Variants in CTNNA2 observed in about 807,000 individuals in gnomAD.
The protein encoded by CTNNA2 is catenin alpha 2.
In CTNNA2, 42 loss-of-function variants were observed where a neutral mutation model predicts 101.0. The ratio of observed to expected loss-of-function variants is 0.42; its 90% confidence interval spans 0.32 to 0.54. The LOEUF (loss-of-function observed/expected upper bound fraction) is 0.54, where lower values mean the gene tolerates loss of function less well. CTNNA2 is among the 20% of genes least tolerant of loss of function. CTNNA2 has a pLI of 0.14. For missense variants in CTNNA2, 871 were observed against 1,223.1 expected (o/e 0.71, Z 4.29); for synonymous variants, 450 against 456.4 (o/e 0.99, Z 0.18).
chr2:79,338,643 C>CTTCTT (rs1558634030), intron 3 of CTNNA2, among the ~76,000 whole-genome samples: 1 of 145,440 alleles, frequency 6.9e-6, no homozygotes, highest in African/African-American at 2.6e-5. Flanking sequence ...TCTTCTTCTT[C>CTTCTT]AAAGATTCCT....
At chr2:80,245,794 CTTTTTTTTTTTTT>C (rs34625586) in intron 7 of CTNNA2, among the ~76,000 whole-genome samples, 830 of 59,062 alleles carry the variant, frequency 0.014, 22 homozygotes, top group African/African-American at 0.063. Flanking sequence ...TATGATTTAA[CTTTTTTTTTTTTT>C]TTTTTTTTTT....
intron 7 of CTNNA2, among the ~76,000 whole-genome samples, chr2:80,036,523 T>G (rs1695661229): frequency 6.6e-6 from 1 of 152,142 alleles, no homozygotes; most frequent in Admixed American, 6.5e-5. Context: ...GAAGATTGCT[T>G]GAGCCCAGAA....
At chr2:80,225,034 C>G (rs1708796249) in intron 7 of CTNNA2, among the ~76,000 whole-genome samples, 1 of 152,116 alleles carries the variant, frequency 6.6e-6, no homozygotes, top group Admixed American at 6.6e-5. Flanking sequence ...CACATGGACC[C>G]CATTCTAGTG....
chr2:79,849,291 GTT>G lies in CTNNA2; in HGVS notation c.299-8709_299-8708del, dbSNP rs1230223462. Among the ~76,000 whole-genome samples, 761 of 142,958 alleles carry G rather than the reference GTT, an allele frequency of 5.3e-3. 9 individuals carry two copies. The highest frequency in any genetic ancestry group is 0.022 in the Middle Eastern group (6 of 270). 93.8% of individuals were successfully genotyped at this position (142,958 alleles called of 152,430 possible). ...GTTTTGGTATGGCTTGCATGATAGG[GTT>G]TTTTTTTTTTTTAATAAGCAGATAA... On this transcript the variant is annotated intron_variant, in intron 3 of 18. Coordinates refer to ENST00000402739, the MANE Select transcript of CTNNA2 (RefSeq NM_001282597.3).
At chr2:79,954,782 T>C (rs551848954) in intron 7 of CTNNA2, among the ~76,000 whole-genome samples, 1 of 152,190 alleles carries the variant, frequency 6.6e-6, no homozygotes, top group Non-Finnish European at 1.5e-5. Context: ...TCAAGGATCT[T>C]ATTTTGATTA....
intron 7 of CTNNA2, among the ~76,000 whole-genome samples, chr2:80,212,580 G>T (rs1476700715): frequency 6.6e-6 from 1 of 152,158 alleles, no homozygotes; most frequent in African/African-American, 2.4e-5. Flanking sequence ...ACTTGATCGT[G>T]GTGGATAAAC....
chr2:80,545,594 T>C (rs558279084), intron 10 of CTNNA2, among the ~76,000 whole-genome samples: 37 of 152,340 alleles, frequency 2.4e-4, no homozygotes, highest in African/African-American at 8.7e-4. Context: ...TCTCGGCAGC[T>C]AAATCATAAA....
chr2:79,207,792 G>A lies in CTNNA2; in HGVS notation c.-406+9716G>A, dbSNP rs540286446. Among the ~76,000 whole-genome samples, 90 of 152,234 alleles carry A rather than the reference G, an allele frequency of 5.9e-4. 3 individuals are homozygous for A. The South Asian group carries it at 0.012, about 21-fold the overall frequency. The stretch of plus-strand genomic sequence containing the variant: ...CCCACTCTGATGGCTCCCTGATGAT[G>A]GAGGAGTCCACCAGAAGAGGCTGAG... On this transcript the variant is annotated intron_variant, in intron 2 of 21. Coordinates refer to the CTNNA2 transcript ENST00000466387.
intron 16 of CTNNA2, among the ~76,000 whole-genome samples, chr2:80,604,736 G>A (rs954565331): frequency 6.6e-6 from 1 of 151,956 alleles, no homozygotes; most frequent in African/African-American, 2.4e-5. Context: ...AACCTGCCTT[G>A]TGGTCAGGGA....
chr2:80,206,134 T>C (rs1164775686), intron 7 of CTNNA2, among the ~76,000 whole-genome samples: 1 of 152,242 alleles, frequency 6.6e-6, no homozygotes, highest in East Asian at 1.9e-4. Flanking sequence ...TCCTTAATCA[T>C]ATGGAAATCT....
chr2:80,581,642 A>AGT, intron 13 of CTNNA2, 64 bp from the exon 14 acceptor site: 1 of 1,004,094 alleles, frequency 1.0e-6, no homozygotes. Flanking sequence ...TTTGCAATGA[A>AGT]GTGTGTGGAT....
chr2:80,624,455 G>A (rs962740420), intron 18 of CTNNA2, among the ~76,000 whole-genome samples: 1 of 151,890 alleles, frequency 6.6e-6, no homozygotes, highest in African/African-American at 2.4e-5. Flanking sequence ...TGTGTAGAAA[G>A]TTAGAGAAGT....
At chr2:80,402,786 TTAATA>T (rs1479633902) in intron 8 of CTNNA2, among the ~76,000 whole-genome samples, 1 of 147,946 alleles carries the variant, frequency 6.8e-6, no homozygotes, top group East Asian at 1.9e-4. Context: ...TAAATTATGT[TTAATA>T]TAAATTATAT....
chr2:79,199,105 A>G (rs992653962), intron 2 of CTNNA2, among the ~76,000 whole-genome samples: 4 of 152,250 alleles, frequency 2.6e-5, no homozygotes, highest in Non-Finnish European at 5.9e-5. Flanking sequence ...CAATTTACAA[A>G]GTTGTAAAAT....
At chr2:80,135,277 C>T (rs1702630619) in intron 7 of CTNNA2, among the ~76,000 whole-genome samples, 1 of 152,132 alleles carries the variant, frequency 6.6e-6, no homozygotes, top group African/African-American at 2.4e-5. Flanking sequence ...GGCAGGAAGG[C>T]CTGACAAATG....
chr2:79,966,412 T>C (rs1005362795), intron 7 of CTNNA2, among the ~76,000 whole-genome samples: 2 of 152,146 alleles, frequency 1.3e-5, no homozygotes, highest in Non-Finnish European at 2.9e-5. Flanking sequence ...TTATTTTTAT[T>C]TTTTGTAGAG....
At chr2:80,251,143 T>G (rs143355618) in intron 7 of CTNNA2, among the ~76,000 whole-genome samples, 259 of 152,294 alleles carry the variant, frequency 1.7e-3, no homozygotes, top group African/African-American at 5.8e-3. Flanking sequence ...TATGGACAAT[T>G]TTAAGTAAGT....
At chr2:79,337,164 A>C (rs765394059) in intron 3 of CTNNA2, among the ~76,000 whole-genome samples, 2 of 152,076 alleles carry the variant, frequency 1.3e-5, no homozygotes, top group African/African-American at 4.8e-5. Context: ...CACAAAGGAG[A>C]TTTCTCTGCA....
chr2:79,364,540 G>A (rs1048568108), intron 3 of CTNNA2, among the ~76,000 whole-genome samples: 7 of 152,266 alleles, frequency 4.6e-5, no homozygotes, highest in Non-Finnish European at 5.9e-5. Flanking sequence ...CACCTTTGAC[G>A]AGAATAATAC....
Sources: allele counts gnomAD v4.1 joint callset (sites outside exome capture counted in the v4.1 genomes callset), GRCh38; gene constraint gnomAD v4.1.1; transcripts MANE v1.5; gene names NCBI Gene and HGNC (gene_info 2026-07-23, HGNC 2026-07-21).